ZNF423: variants seen among roughly 807,000 people sequenced by gnomAD.
ZNF423 encodes the protein zinc finger protein 423.
A neutral mutation model predicts 95.8 loss-of-function variants in ZNF423; 12 were observed. The ratio of observed to expected loss-of-function variants is 0.13; its 90% CI spans 0.08 to 0.20. ZNF423 has a LOEUF of 0.20. ZNF423 is among the 10% of genes least tolerant of loss of function. ZNF423 has a pLI of 1.00. For missense variants in ZNF423, 1,316 were observed against 1,737.1 expected (o/e 0.76, Z 4.31); for synonymous variants, 749 against 711.9 (o/e 1.05, Z -0.83).
At chr16:49,601,146 G>A (rs1359299439) in intron 5 of ZNF423, among the ~76,000 whole-genome samples, 5 of 152,142 alleles carry the variant, frequency 3.3e-5, no homozygotes, top group Non-Finnish European at 7.3e-5. Flanking sequence ...GACTAAAAGG[G>A]TCTCCTAGAG....
chr16:49,791,918 C>T (rs979737436), intron 1 of ZNF423, among the ~76,000 whole-genome samples: 1 of 150,870 alleles, frequency 6.6e-6, no homozygotes, highest in Admixed American at 6.6e-5. Context: ...AAGAGAATTG[C>T]CTGAACCTGG....
At chr16:49,698,685 C>T (rs866809080) in intron 3 of ZNF423, among the ~76,000 whole-genome samples, 18 of 152,096 alleles carry the variant, frequency 1.2e-4, no homozygotes, top group African/African-American at 4.3e-4. Context: ...CCCAGGAAGC[C>T]AGCTGGGAAC....
rs78606436 is a variant in ZNF423, at chr16:49,709,805, G to C, written c.301+20966C>G. Among the ~76,000 whole-genome samples the C allele has an allele frequency of 8.1e-3, 1,236 of 152,188 alleles. 13 individuals carry two copies. The highest frequency in any genetic ancestry group is 0.029 in the African/African-American group (1,203 of 41,518). ...TAGAAGTCTCCATCTATGAGGAGTG[G>C]GCCCTTACCAGACACGGAATCTCCT... On this transcript the variant is annotated intron_variant, in intron 3 of 7. Coordinates refer to ENST00000563137, the MANE Select transcript of ZNF423 (RefSeq NM_001379286.1).
intron 2 of ZNF423, among the ~76,000 whole-genome samples, chr16:49,776,156 C>T (rs936974249): frequency 6.6e-6 from 1 of 152,164 alleles, no homozygotes; most frequent in Non-Finnish European, 1.5e-5. Flanking sequence ...GAGAGGGCAG[C>T]GGAGACGGAA....
intron 1 of ZNF423, among the ~76,000 whole-genome samples, chr16:49,846,268 C>A (rs1217486949): frequency 6.8e-6 from 1 of 146,710 alleles, no homozygotes; most frequent in Non-Finnish European, 1.5e-5. Flanking sequence ...CCACTGCACT[C>A]CAGCCTGGCT....
intron 1 of ZNF423, among the ~76,000 whole-genome samples, chr16:49,792,106 A>AT (rs997223131): frequency 1.9e-4 from 28 of 149,960 alleles, no homozygotes; most frequent in East Asian, 1.6e-3. Context: ...TTTCTTTTTG[A>AT]TTTTTTTTTC....
chr16:49,640,585 C>T (rs1442763559), intron 3 of ZNF423, among the ~76,000 whole-genome samples: 1 of 149,970 alleles, frequency 6.7e-6, no homozygotes, highest in Non-Finnish European at 1.5e-5. Flanking sequence ...CTAGGCCCCG[C>T]CCCCACCCCC....
intron 2 of ZNF423, among the ~76,000 whole-genome samples, chr16:49,763,655 G>C (rs541696216): frequency 1.2e-4 from 18 of 152,028 alleles, no homozygotes; most frequent in Non-Finnish European, 2.2e-4. Context: ...CCACTTCTCC[G>C]CTGCCTCTGC....
At chr16:49,769,159 C>G (rs2033984499) in intron 2 of ZNF423, among the ~76,000 whole-genome samples, 1 of 152,104 alleles carries the variant, frequency 6.6e-6, no homozygotes, top group African/African-American at 2.4e-5. Context: ...AGTTCGAGAC[C>G]TGCCTGGCCC....
intron 5 of ZNF423, among the ~76,000 whole-genome samples, chr16:49,570,473 G>T (rs1716499062): frequency 6.6e-6 from 1 of 152,046 alleles, no homozygotes; most frequent in Admixed American, 6.5e-5. Context: ...TGAGTTGGGG[G>T]GTATTTATTT....
chr16:49,799,880 C>T (rs973481999), intron 1 of ZNF423, among the ~76,000 whole-genome samples: 1 of 152,126 alleles, frequency 6.6e-6, no homozygotes, highest in African/African-American at 2.4e-5. Flanking sequence ...GCCTCAAACT[C>T]CTGGGCTCAA....
intron 6 of ZNF423, among the ~76,000 whole-genome samples, chr16:49,524,747 G>A (rs555897416): frequency 6.6e-6 from 1 of 152,346 alleles, no homozygotes; most frequent in East Asian, 1.9e-4. Context: ...GCAGATGTCG[G>A]GGGAGGCAGG....
At chr16:49,722,014 G>A (rs755191853) in intron 3 of ZNF423, among the ~76,000 whole-genome samples, 7 of 152,122 alleles carry the variant, frequency 4.6e-5, no homozygotes, top group African/African-American at 1.2e-4. Flanking sequence ...TGCGGACTTC[G>A]CAGGCGGTGA....
chr16:49,517,601 C>T (rs12051488), intron 7 of ZNF423, among the ~76,000 whole-genome samples: 44,958 of 151,968 alleles, frequency 0.3, 7,519 homozygotes, highest in African/African-American at 0.47. Context: ...ATTTCTTTTT[C>T]TCTTGCTTTC....
At chr16:49,801,089 T>C (rs2034575680) in intron 1 of ZNF423, among the ~76,000 whole-genome samples, 1 of 152,208 alleles carries the variant, frequency 6.6e-6, no homozygotes. Context: ...CAATGTCTTT[T>C]TTCTTCTTCT....
At chr16:49,694,886 C>T (rs1453577782) in intron 3 of ZNF423, among the ~76,000 whole-genome samples, 1 of 152,252 alleles carries the variant, frequency 6.6e-6, no homozygotes, top group Non-Finnish European at 1.5e-5. Flanking sequence ...GAAGAAATGT[C>T]TCTCTGCAAC....
chr16:49,808,830 C>T (rs2034706253), intron 1 of ZNF423, among the ~76,000 whole-genome samples: 1 of 152,196 alleles, frequency 6.6e-6, no homozygotes, highest in Admixed American at 6.5e-5. Context: ...CCCCCATGGC[C>T]CAGGGACTCC....
chr16:49,671,752 C>A (rs553615457), intron 3 of ZNF423, among the ~76,000 whole-genome samples: 1 of 152,082 alleles, frequency 6.6e-6, no homozygotes, highest in Non-Finnish European at 1.5e-5. Flanking sequence ...GGTGCGATCT[C>A]GGCTCATTAG....
chr16:49,789,666 G>A, intron 1 of ZNF423, 120 bp from the exon 2 acceptor site: 2 of 872,202 alleles, frequency 2.3e-6, no homozygotes, highest in African/African-American at 1.8e-5. Flanking sequence ...CCCATCACCA[G>A]GGGAGAGGGG....
Sources: allele counts gnomAD v4.1 joint callset (sites outside exome capture counted in the v4.1 genomes callset), GRCh38; gene constraint gnomAD v4.1.1; transcripts MANE v1.5; gene names NCBI Gene and HGNC (gene_info 2026-07-23, HGNC 2026-07-21).